The following PCED1B variants were observed in gnomAD, a reference collection of about 807,000 sequenced individuals.
PCED1B encodes PC-esterase domain-containing protein 1B.
For synonymous variants in PCED1B, 251 were observed against 246.1 expected, an observed-to-expected ratio of 1.02 and a Z score of -0.19; for missense variants, 573 against 573.9, an observed-to-expected ratio of 1.00 and a Z score of 0.02.
chr12:47,157,313 G>A (rs922050842), intron 2 of PCED1B, among the ~76,000 whole-genome samples: 4 of 152,204 alleles, frequency 2.6e-5, no homozygotes, highest in Admixed American at 2.0e-4. Context: ...CTGTGGTTGG[G>A]TGGGATGGCT....
At chr12:47,225,065 C>T (rs113505844) in intron 3 of PCED1B, among the ~76,000 whole-genome samples, 2,729 of 152,142 alleles carry the variant, frequency 0.018, 81 homozygotes, top group African/African-American at 0.058. Context: ...CCAAGTAGCT[C>T]GGATTACAGG....
intron 1 of PCED1B, among the ~76,000 whole-genome samples, chr12:47,085,211 T>C (rs944690791): frequency 1.3e-5 from 2 of 152,220 alleles, no homozygotes; most frequent in African/African-American, 2.4e-5. Context: ...GATGTAACAA[T>C]TGACTATTTC....
chr12:47,118,315 T>C (rs1939521703), intron 2 of PCED1B, among the ~76,000 whole-genome samples: 1 of 152,242 alleles, frequency 6.6e-6, no homozygotes, highest in African/African-American at 2.4e-5. Context: ...AGGGTTTTTA[T>C]GGTTATAAGT....
At chr12:47,080,559 A>C (rs1467974469) in intron 1 of PCED1B, among the ~76,000 whole-genome samples, 1 of 152,144 alleles carries the variant, frequency 6.6e-6, no homozygotes, top group Admixed American at 6.5e-5. Flanking sequence ...GGGAGGAAGT[A>C]ACCGGGAAAT....
intron 2 of PCED1B, among the ~76,000 whole-genome samples, chr12:47,131,741 T>C (rs1940137916): frequency 6.8e-6 from 1 of 148,140 alleles, no homozygotes; most frequent in African/African-American, 2.6e-5. Flanking sequence ...CAATCTCGTC[T>C]CACTGCAACC....
intron 2 of PCED1B, among the ~76,000 whole-genome samples, chr12:47,162,778 G>T (rs1941428502): frequency 6.6e-6 from 1 of 152,194 alleles, no homozygotes; most frequent in African/African-American, 2.4e-5. Context: ...CTACGACCAT[G>T]ACCCTAATAC....
chr12:47,107,564 C>T (rs551639886), intron 2 of PCED1B, among the ~76,000 whole-genome samples: 12 of 152,304 alleles, frequency 7.9e-5, no homozygotes, highest in Non-Finnish European at 1.6e-4. Flanking sequence ...GTATGGCCCC[C>T]GACACCAACT....
At chr12:47,085,950 A>C (rs1162969950) in intron 1 of PCED1B, among the ~76,000 whole-genome samples, 1 of 152,148 alleles carries the variant, frequency 6.6e-6, no homozygotes. Context: ...CCCCTGTTTG[A>C]GGCATGATAA....
At chr12:47,150,657 T>C (rs770942020) in intron 2 of PCED1B, among the ~76,000 whole-genome samples, 25 of 151,206 alleles carry the variant, frequency 1.7e-4, no homozygotes, top group Admixed American at 1.1e-3. Flanking sequence ...CCCATGTTGA[T>C]ACATGGGGGA....
At chr12:47,081,809 A>G (rs1432703746) in intron 1 of PCED1B, among the ~76,000 whole-genome samples, 3 of 152,264 alleles carry the variant, frequency 2.0e-5, no homozygotes, top group African/African-American at 7.2e-5. Context: ...AAGGCAGAAG[A>G]AAGACCTGTA....
intron 1 of PCED1B, among the ~76,000 whole-genome samples, chr12:47,083,977 T>C (rs78189221): frequency 0.016 from 2,508 of 152,308 alleles, 63 homozygotes; most frequent in African/African-American, 0.057. Context: ...GTAACAATTT[T>C]AAAGTGCGCA....
chr12:47,212,854 G>C (rs1943135748), intron 2 of PCED1B, among the ~76,000 whole-genome samples: 1 of 152,218 alleles, frequency 6.6e-6, no homozygotes, highest in Admixed American at 6.5e-5. Context: ...CTTTCCCAAA[G>C]TCACACAGCT....
chr12:47,094,551 A>G (rs1197082398), intron 1 of PCED1B, among the ~76,000 whole-genome samples: 1 of 151,246 alleles, frequency 6.6e-6, no homozygotes, highest in Non-Finnish European at 1.5e-5. Flanking sequence ...CAAGGATTTC[A>G]TTCTAAAAAC....
chr12:47,212,195 A>C (rs1943113612), intron 2 of PCED1B, among the ~76,000 whole-genome samples: 1 of 151,994 alleles, frequency 6.6e-6, no homozygotes, highest in Non-Finnish European at 1.5e-5. Context: ...TGTGAGGATC[A>C]CTTGAGCCCG....
At chr12:47,091,831 A>G (rs1372851809) in intron 1 of PCED1B, among the ~76,000 whole-genome samples, 3 of 152,092 alleles carry the variant, frequency 2.0e-5, no homozygotes, top group Non-Finnish European at 4.4e-5. Flanking sequence ...GATCACCTTT[A>G]TCATAAATCA....
At chr12:47,161,805 C>G (rs1327310707) in intron 2 of PCED1B, among the ~76,000 whole-genome samples, 1 of 152,202 alleles carries the variant, frequency 6.6e-6, no homozygotes, top group East Asian at 1.9e-4. Flanking sequence ...TGTAAAGACA[C>G]ATGCACACAT....
At chr12:47,132,927 G>A (rs950920226) in intron 2 of PCED1B, among the ~76,000 whole-genome samples, 2 of 152,102 alleles carry the variant, frequency 1.3e-5, no homozygotes, top group Admixed American at 6.5e-5. Flanking sequence ...ATTCAAGGGG[G>A]GAAATGGTGA....
intron 2 of PCED1B, among the ~76,000 whole-genome samples, chr12:47,177,722 G>A (rs760000899): frequency 6.6e-6 from 1 of 152,184 alleles, no homozygotes; most frequent in Non-Finnish European, 1.5e-5. Flanking sequence ...GGGAGGCCAA[G>A]GTGGGCAGAC....
intron 2 of PCED1B, among the ~76,000 whole-genome samples, chr12:47,199,885 A>G (rs932299498): frequency 1.3e-5 from 2 of 152,252 alleles, no homozygotes; most frequent in African/African-American, 2.4e-5. Context: ...CTTCAATAAA[A>G]CTAAGAACTT....
Sources: gnomAD v4.1 joint callset for allele counts (sites outside exome capture counted in the v4.1 genomes callset) on GRCh38, gnomAD v4.1.1 for gene constraint, MANE v1.5 for transcripts, NCBI Gene and HGNC (gene_info 2026-07-23, HGNC 2026-07-21) for gene names.